ZNF398: variants seen among roughly 807,000 people sequenced by gnomAD.
ZNF398 encodes zinc finger protein 398, also known as zinc finger DNA binding protein ZER6.
ZNF398 carries 18 observed loss-of-function variants against 41.9 expected under a neutral mutation model. The observed-to-expected ratio is 0.43, with a 90% confidence interval of 0.30 to 0.64. The LOEUF is 0.64. Ranked by LOEUF, ZNF398 falls within the 30% of genes least tolerant of loss-of-function variation. The pLI is 0.14. For missense variants in ZNF398, 669 were observed against 822.8 expected (o/e 0.81, Z 2.29); for synonymous variants, 260 against 308.8 (o/e 0.84, Z 1.66).
intron 1 of ZNF398, among the ~76,000 whole-genome samples, chr7:149,150,397 G>C (rs543558704): frequency 6.6e-6 from 1 of 152,178 alleles, no homozygotes; most frequent in African/African-American, 2.4e-5. Flanking sequence ...TGAGTAGTTT[G>C]AGACCAGCCT....
rs1048301849 is a variant in ZNF398, at chr7:149,173,221, C to T, written c.662-3247C>T. ...CTAGGTTCAAGCAATTCTCTTGCCCCGGCCTCCTGAGTAGCTGGGATTACA... is the reference window on the plus strand; with the variant it reads ...CTAGGTTCAAGCAATTCTCTTGCCCTGGCCTCCTGAGTAGCTGGGATTACA... On this transcript the variant is annotated intron_variant, in intron 4 of 5. Transcript: ENST00000475153. Among the ~76,000 whole-genome samples the T allele has an allele frequency of 2.0e-5, 3 of 151,230 alleles. No individual in the cohort carries two copies. The Admixed American group carries it at 2.0e-4, about 10-fold the overall frequency.
At chr7:149,154,988 T>TAAA (rs35980793) in intron 2 of ZNF398, among the ~76,000 whole-genome samples, 8 of 132,062 alleles carry the variant, frequency 6.1e-5, no homozygotes, top group Non-Finnish European at 8.0e-5. Flanking sequence ...AAACTCCTTC[T>TAAA]AAAAAAAAAA....
rs764753757 is a variant in ZNF398 at position 149,166,793 on chromosome 7, C to T, written c.548-24C>T. 3 of 1,531,358 alleles carry T rather than the reference C, an allele frequency of 2.0e-6. No individual in the cohort carries two copies. In the East Asian group the frequency reaches 6.8e-5, roughly 35 times the overall value. 94.9% of individuals were successfully genotyped at this position (1,531,358 alleles called of 1,614,324 possible). On this transcript the variant is annotated intron_variant, in intron 3 of 5. Transcript: ENST00000475153. ...TCCTCATTTATCTCTTTGTAATACT[C>T]TCTCTTCCTTTTTCCTCTCCTAGAT...
chr7:149,152,000 A>G (rs1485189233), intron 1 of ZNF398, among the ~76,000 whole-genome samples: 1 of 152,020 alleles, frequency 6.6e-6, no homozygotes, highest in African/African-American at 2.4e-5. Context: ...TGGGAGGCCG[A>G]GGAGGGCGGA....
At chr7:149,173,091 C>CTTTTTTTTTTTT (rs1795382614) in intron 4 of ZNF398, among the ~76,000 whole-genome samples, 16 of 67,192 alleles carry the variant, frequency 2.4e-4, no homozygotes, top group African/African-American at 5.3e-4. Flanking sequence ...GTGGCAATTT[C>CTTTTTTTTTTTT]TATTTTTTTT....
intron 2 of ZNF398, among the ~76,000 whole-genome samples, chr7:149,159,386 G>A (rs1213414050): frequency 6.6e-6 from 1 of 151,850 alleles, no homozygotes; most frequent in Admixed American, 6.6e-5. Context: ...GGTGGCTCAC[G>A]CCTGTAATCC....
chr7:149,161,635 C>T (rs974355072), intron 2 of ZNF398, among the ~76,000 whole-genome samples: 1 of 152,062 alleles, frequency 6.6e-6, no homozygotes, highest in Non-Finnish European at 1.5e-5. Flanking sequence ...GCCTAACATA[C>T]AAGCATACAA....
At chr7:149,170,620 A>G (rs1246070640) in intron 4 of ZNF398, among the ~76,000 whole-genome samples, 2 of 151,984 alleles carry the variant, frequency 1.3e-5, no homozygotes, top group Non-Finnish European at 1.5e-5. Flanking sequence ...CTGTAGTCCC[A>G]GCTACTCGGG....
rs893839641 is a variant in ZNF398, at chr7:149,154,176, A to G, written c.256A>G (p.Thr86Ala). 15 of 1,614,018 alleles carry G rather than the reference A, an allele frequency of 9.3e-6. No individual in the cohort carries two copies. In the African/African-American group the frequency reaches 1.9e-4, roughly 20 times the overall value. Residue 86 changes from threonine to alanine, a missense_variant, in exon 2 of 6, where the codon ACC becomes GCC. Thr to Ala is a moderately conservative substitution (Grantham distance 58, BLOSUM62 0). This residue lies in a region of ZNF398 where 169 missense variants were observed against 239.5 expected (regional missense o/e 0.71). Transcript: ENST00000475153. ...KKLASCEKTV[T>A]ELGNQLEGKW... ...ACTAGCCAGCTGTGAAAAGACAGTT[A>G]CCGAGCTTGGGAACCAGCTGGAGGG...
At chr7:149,138,432 T>C (rs1444705752) in intron 2 of ZNF398, among the ~76,000 whole-genome samples, 3 of 151,730 alleles carry the variant, frequency 2.0e-5, no homozygotes, top group Admixed American at 6.6e-5. Context: ...ATACAAAAAT[T>C]ATCTGGGCGT....
chr7:149,179,990 A>C lies in ZNF398; in HGVS notation c.*189A>C. On this transcript the variant is annotated 3_prime_UTR_variant, in exon 6 of 6. Coordinates refer to ENST00000475153, the MANE Select transcript of ZNF398 (RefSeq NM_170686.3). The surrounding 1 kb of genome is among the most constrained non-coding windows in gnomAD (Gnocchi z 6.1). ...TTTCACACCCTTACAAGAATACCACATTTTGAAACCCAGAAAGACCTGGAA... is the reference window on the plus strand; with the variant it reads ...TTTCACACCCTTACAAGAATACCACCTTTTGAAACCCAGAAAGACCTGGAA... The C allele has an allele frequency of 3.9e-6, 2 of 511,622 alleles. No homozygotes were observed. Among genetic ancestry groups the C allele is most frequent in the Non-Finnish European group, 6.6e-6 (2 of 302,300 alleles). The allele number at this position is 511,622 out of a possible 1,614,324, so 31.7% of individuals were successfully genotyped here.
chr7:149,146,975 C>A (rs1381003856), upstream of ZNF398: 1 of 152,142 alleles, frequency 6.6e-6, no homozygotes, highest in Non-Finnish European at 1.5e-5. Context: ...GGACCTGAAC[C>A]GCCTCACCTT....
At chr7:149,166,770 C>A in intron 3 of ZNF398, 47 bp from the exon 4 acceptor site, 1 of 1,381,402 alleles carries the variant, frequency 7.2e-7, no homozygotes, top group Admixed American at 2.0e-5. Flanking sequence ...AGTTGTCATC[C>A]TCATTTATCT....
chr7:149,170,551 C>T (rs1024564437), intron 4 of ZNF398, among the ~76,000 whole-genome samples: 4 of 151,948 alleles, frequency 2.6e-5, no homozygotes, highest in Non-Finnish European at 5.9e-5. Context: ...CTGGCTGACA[C>T]GGTGAAACCC....
At position 149,180,569 on chromosome 7, in the gene ZNF398, G is replaced by A. The variant is rs1795568822; in HGVS notation, c.*768G>A. 1 of 152,180 alleles carries A rather than the reference G, an allele frequency of 6.6e-6. No individual in the cohort carries two copies. Among genetic ancestry groups the A allele is most frequent in the African/African-American group, 2.4e-5 (1 of 41,454 alleles). 9.4% of individuals were successfully genotyped at this position (152,180 alleles called of 1,614,324 possible). A position where few individuals can be genotyped will look rare whatever the true frequency, so the allele number is the denominator to read the frequency against. On this transcript the variant is annotated 3_prime_UTR_variant, in exon 6 of 6. Coordinates refer to ENST00000475153, the MANE Select transcript of ZNF398 (RefSeq NM_170686.3). ...GCCAAGGTCCTGGTTAAAAAAATTGGAAACGGTTTTCTTAGCCCCAGCTTT... is the reference window on the plus strand; with the variant it reads ...GCCAAGGTCCTGGTTAAAAAAATTGAAAACGGTTTTCTTAGCCCCAGCTTT...
rs146151029 is a variant in ZNF398 at position 149,133,654 on chromosome 7, AATATATATATAT to A, written c.-490+4724_-490+4735del. Among the ~76,000 whole-genome samples the A allele has an allele frequency of 1.4e-3, 100 of 71,858 alleles. 2 individuals are homozygous for A. The highest frequency in any genetic ancestry group is 4.0e-3 in the African/African-American group (90 of 22,350). 47.1% of individuals were successfully genotyped at this position (71,858 alleles called of 152,430 possible). On this transcript the variant is annotated intron_variant, in intron 2 of 6. Coordinates refer to the ZNF398 transcript ENST00000426851. ...CTTTTGGTTATTTTTGTGTTTTTTA[AATATATATATAT>A]ATATATATATATACATATATATGTG...
intron 2 of ZNF398, among the ~76,000 whole-genome samples, chr7:149,133,678 T>TACACACACACAC (rs374864305): frequency 1.5e-5 from 1 of 67,020 alleles, no homozygotes; most frequent in African/African-American, 6.1e-5. Context: ...TATATATATA[T>TACACACACACAC]ACATATATAT....
chr7:149,126,536 G>A (rs1182937889), exon 1 of ZNF398: 3 of 473,332 alleles, frequency 6.3e-6, no homozygotes. Context: ...AGATGAGGGA[G>A]CTGACGGGAG....
chr7:149,171,216 T>G (rs1795332608), intron 4 of ZNF398, among the ~76,000 whole-genome samples: 1 of 151,314 alleles, frequency 6.6e-6, no homozygotes, highest in African/African-American at 2.4e-5. Flanking sequence ...AGTAATATAC[T>G]TATAATACTA....
Sources: allele counts gnomAD v4.1 joint callset (sites outside exome capture counted in the v4.1 genomes callset), GRCh38; gene constraint gnomAD v4.1.1; regional missense constraint gnomAD v4.1.1; non-coding constraint Gnocchi (gnomAD v3.1); transcripts MANE v1.5; gene names NCBI Gene and HGNC (gene_info 2026-07-23, HGNC 2026-07-21).